Variants in ZBP1 observed in about 807,000 individuals in gnomAD.
The protein encoded by ZBP1 is Z-DNA-binding protein 1.
In ZBP1, 42 loss-of-function variants were observed where a neutral mutation model predicts 41.1. The ratio of observed to expected loss-of-function variants is 1.02; its 90% CI spans 0.80 to 1.32. The LOEUF (loss-of-function observed/expected upper bound fraction) is 1.32, where lower values mean the gene tolerates loss of function less well. Ranked by LOEUF, ZBP1 falls within the 40% of genes most tolerant of loss-of-function variation. The probability of loss-of-function intolerance (pLI) is 0.00; values close to 1 mark genes in which losing one functional copy is unlikely to be tolerated. For missense variants in ZBP1, 562 were observed against 549.7 expected, an observed-to-expected ratio of 1.02 and a Z score of -0.22; for synonymous variants, 214 against 205.2, an observed-to-expected ratio of 1.04 and a Z score of -0.37.
rs1179330818 is a variant in ZBP1, at chr20:57,611,927, G to T, written c.674C>A (p.Ser225Tyr). Reference protein sequence around the residue: ...TRQTVSREDGSAGPRHLPSMA... With the variant: ...TRQTVSREDGYAGPRHLPSMA... ...TGAAGGGAGGTGGCGTGGACCGGCG[G>T]AACCTGGCAGGGGACAGTGGCACAG... The change falls in exon 6 of 8, where the codon TCC becomes TAC. Residue 225 changes from serine to tyrosine, a missense_variant. By Grantham distance (144) the Ser-to-Tyr change is moderately radical. Transcript: ENST00000371173. 5.8e-6 allele frequency: 9 copies of T among 1,555,098 alleles called. No homozygotes were observed. The highest frequency in any genetic ancestry group is 7.8e-6 in the Non-Finnish European group (9 of 1,148,808).
rs772398526 is a variant in ZBP1, at chr20:57,604,807, C to T, written c.1094-38G>A. 1.5e-5 allele frequency: 24 copies of T among 1,591,538 alleles called. No individual in the cohort carries two copies. In the Middle Eastern group the frequency reaches 5.1e-4, roughly 34 times the overall value. Reference sequence around the variant, plus strand: ...AGATGGGGGATCAGCTTCATGGGCACGTGGCCTGGGCATTTCCACAGGGAC... The same window carrying T: ...AGATGGGGGATCAGCTTCATGGGCATGTGGCCTGGGCATTTCCACAGGGAC... On this transcript the variant is annotated intron_variant, in intron 7 of 7. Coordinates refer to ENST00000371173, the MANE Select transcript of ZBP1 (RefSeq NM_030776.3).
chr20:57,608,666 C>T (rs6123712), intron 7 of ZBP1, among the ~76,000 whole-genome samples: 42,402 of 152,198 alleles, frequency 0.28, 7,255 homozygotes, highest in East Asian at 0.56. Flanking sequence ...CTGAGGAATG[C>T]GCTCCTGGTC....
chr20:57,614,933 A>G lies in ZBP1; in HGVS notation c.456T>C (p.Leu152=). 6.2e-7 allele frequency: 1 copy of G among 1,614,156 alleles called. No homozygotes were observed. The highest frequency in any genetic ancestry group is 8.5e-7 in the Non-Finnish European group (1 of 1,180,030). ...CTTTGGACTGCTCATCCATGTCCAG[A>G]AGGTGCCTGCTCTTCATCCTGTACA... is the stretch of plus-strand genomic sequence containing the variant. ...RDLYRMKSRH[L]LDMDEQSKAW... The change falls in exon 4 of 8, where the codon CTT becomes CTC. Residue 152 remains leucine (L), a synonymous_variant. Transcript: ENST00000371173.
At position 57,616,419 on chromosome 20, in the gene ZBP1, C is replaced by T. The variant is rs16981188; in HGVS notation, c.84G>A (p.Pro28=). The change falls in exon 2 of 8, where the codon CCG becomes CCA. Residue 28 remains proline, a synonymous_variant. Coordinates refer to ENST00000371173, the MANE Select transcript of ZBP1 (RefSeq NM_030776.3). ...CCTTCACCAGCTGGGCAAGTTTCAC[C>T]GGGGAGCCAGCCTCTGTCAGCACCT... ...ILQVLTEAGS[P]VKLAQLVKEC... 54,759 of 1,613,988 alleles carry T rather than the reference C, an allele frequency of 0.034. 1,100 individuals carry two copies. The highest frequency in any genetic ancestry group is 0.062 in the Middle Eastern group (372 of 5,980).
Position 57,614,957 on chromosome 20 carries a change from C to T in ZBP1, c.432G>A (p.Leu144=), listed in dbSNP as rs1423407965. 8 of 1,614,118 alleles carry T rather than the reference C, an allele frequency of 5.0e-6. No individual in the cohort carries two copies. The East Asian group carries it at 6.7e-5, about 13-fold the overall frequency. ...GAAGGTGCCTGCTCTTCATCCTGTACAAGTCTCGGTTCACATCTTTTGCTG... is the reference window on the plus strand; with the variant it reads ...GAAGGTGCCTGCTCTTCATCCTGTATAAGTCTCGGTTCACATCTTTTGCTG... ...MRTAKDVNRD[L]YRMKSRHLLD... Residue 144 remains leucine, a synonymous_variant, in exon 4 of 8, where the codon TTG becomes TTA. Transcript: ENST00000371173.
intron 5 of ZBP1, 127 bp from the exon 6 acceptor site, chr20:57,612,057 C>T: frequency 9.5e-7 from 1 of 1,048,454 alleles, no homozygotes; most frequent in Non-Finnish European, 1.4e-6. Context: ...CCAAAGACTT[C>T]AGGCTCTGGC....
chr20:57,611,135 C>A (rs2070656321), intron 6 of ZBP1, among the ~76,000 whole-genome samples: 1 of 152,234 alleles, frequency 6.6e-6, no homozygotes, highest in Admixed American at 6.5e-5. Flanking sequence ...CAAACCATCA[C>A]CCTGCTCCAG....
rs150294077 is a variant in ZBP1, at chr20:57,613,944, T to A, written c.503-614A>T. On this transcript the variant is annotated intron_variant, in intron 4 of 7. Coordinates refer to ENST00000371173, the MANE Select transcript of ZBP1 (RefSeq NM_030776.3). The surrounding 1 kb of genome is among the most constrained non-coding windows in gnomAD (Gnocchi z 4.5). ...CATCACCACCCTCCAGGGTCTCAGC[T>A]CCTGTGCCTTTGTGGGCCCTTCCCC... Among the ~76,000 whole-genome samples, 1 of 152,226 alleles carries A rather than the reference T, an allele frequency of 6.6e-6. No individual in the cohort carries two copies. The highest frequency in any genetic ancestry group is 1.5e-5 in the Non-Finnish European group (1 of 68,046).
intron 6 of ZBP1, among the ~76,000 whole-genome samples, chr20:57,611,481 T>G (rs1339229217): frequency 7.0e-6 from 1 of 142,792 alleles, no homozygotes; most frequent in African/African-American, 2.5e-5. Context: ...GGTCTCGAAC[T>G]CCTGACCTCA....
intron 7 of ZBP1, among the ~76,000 whole-genome samples, chr20:57,606,230 A>G (rs2070493486): frequency 6.6e-6 from 1 of 152,250 alleles, no homozygotes; most frequent in Non-Finnish European, 1.5e-5. Flanking sequence ...GTCTGGATAG[A>G]GGATCGAGCC....
chr20:57,613,472 C>T lies in ZBP1; in HGVS notation c.503-142G>A. 1 of 865,224 alleles carries T rather than the reference C, an allele frequency of 1.2e-6. No homozygotes were observed. Among genetic ancestry groups the T allele is most frequent in the Non-Finnish European group, 1.8e-6 (1 of 551,876 alleles). The allele number at this position is 865,224 out of a possible 1,614,324, so 53.6% of individuals were successfully genotyped here. A position where few individuals can be genotyped will look rare whatever the true frequency, so the allele number is the denominator to read the frequency against. ...CGAGTCAGTAGGGCCAAGTGGGAGG[C>T]CAGAGCTGGGTGTTTAACAGACACC... On this transcript the variant is annotated intron_variant, in intron 4 of 7. Coordinates refer to ENST00000371173, the MANE Select transcript of ZBP1 (RefSeq NM_030776.3). This position sits in a 1 kb window ranked among gnomAD's most constrained non-coding sequence, Gnocchi z 4.5.
intron 6 of ZBP1, 147 bp downstream of exon 6, chr20:57,611,580 C>T (rs1444814802): frequency 7.6e-6 from 7 of 919,076 alleles, no homozygotes; most frequent in South Asian, 3.5e-5. Context: ...TTAAAAGCCC[C>T]ACCTGCTCTA....
At position 57,618,873 on chromosome 20, in the gene ZBP1, G is replaced by A. The variant is rs577621369; in HGVS notation, c.34+1389C>T. Among the ~76,000 whole-genome samples the A allele has an allele frequency of 8.5e-5, 13 of 152,272 alleles. No homozygotes were observed. The South Asian group carries it at 1.2e-3, about 15-fold the overall frequency. ...TGGGATTGCAGGCGTGAGCCACTGC[G>A]CCTGGCCGCAGTTTTGATTCTGGAA... On this transcript the variant is annotated intron_variant, in intron 1 of 7. Transcript: ENST00000371173.
At chr20:57,607,242 G>C (rs1318129623) in intron 7 of ZBP1, 2 of 1,303,594 alleles carry the variant, frequency 1.5e-6, no homozygotes, top group Non-Finnish European at 2.0e-6. Context: ...TCTGGAAGAA[G>C]TTGATTCCAA....
At chr20:57,615,807 G>A in intron 2 of ZBP1, 1 of 542,308 alleles carries the variant, frequency 1.8e-6, no homozygotes, top group Non-Finnish European at 3.2e-6. Flanking sequence ...TCCTGGGGTT[G>A]TGTGAGGGCT....
intron 6 of ZBP1, 22 bp downstream of exon 6, chr20:57,611,705 C>G: frequency 6.3e-7 from 1 of 1,598,170 alleles, no homozygotes; most frequent in Non-Finnish European, 8.5e-7. Flanking sequence ...AGAGTTGGGT[C>G]TGGCCTCTAG....
rs560462719 is a variant in ZBP1 at position 57,620,368 on chromosome 20, T to C, written c.-73A>G. The C allele has an allele frequency of 6.5e-6, 10 of 1,528,850 alleles. No homozygotes were observed. In the South Asian group the frequency reaches 7.3e-5, roughly 11 times the overall value. 94.7% of individuals were successfully genotyped at this position (1,528,850 alleles called of 1,614,324 possible). ...CTTCTGCACTGTGGCCCTGAGAGGG[T>C]GGGCTAGGTCGAGGCTGGGGCTTCT... On this transcript the variant is annotated 5_prime_UTR_variant, in exon 1 of 8. Coordinates refer to ENST00000371173, the MANE Select transcript of ZBP1 (RefSeq NM_030776.3).
intron 3 of ZBP1, 97 bp downstream of exon 3, chr20:57,615,415 G>T: frequency 7.4e-7 from 1 of 1,359,642 alleles, no homozygotes; most frequent in Non-Finnish European, 1.0e-6. Flanking sequence ...CAGGGCCCCT[G>T]AACACTGGTG....
intron 5 of ZBP1, chr20:57,612,788 G>A: frequency 1.8e-6 from 1 of 568,808 alleles, no homozygotes; most frequent in Non-Finnish European, 2.4e-6. Context: ...CTCCCCTGTA[G>A]CATTCCGCGG....
Sources: gnomAD v4.1 joint callset for allele counts (sites outside exome capture counted in the v4.1 genomes callset) on GRCh38, gnomAD v4.1.1 for gene constraint, Gnocchi (gnomAD v3.1) non-coding constraint, MANE v1.5 for transcripts, NCBI Gene and HGNC (gene_info 2026-07-23, HGNC 2026-07-21) for gene names.